Variants in TRMT11 observed in about 807,000 individuals in gnomAD.
The protein encoded by TRMT11 is tRNA (guanine(10)-N(2))-methyltransferase TRMT11.
TRMT11 carries 53 observed loss-of-function variants against 62.8 expected under a neutral mutation model. The observed-to-expected ratio is 0.84, with a 90% confidence interval of 0.68 to 1.06. The LOEUF (loss-of-function observed/expected upper bound fraction) is 1.06. Ranked by LOEUF, TRMT11 falls within the 50% of genes least tolerant of loss-of-function variation. TRMT11 has a pLI of 0.00. For synonymous variants in TRMT11, 188 were observed against 190.3 expected, an observed-to-expected ratio of 0.99 and a Z score of 0.10; for missense variants, 556 against 553.4, an observed-to-expected ratio of 1.00 and a Z score of -0.05.
chr6:126,187,675 G>C (rs995329578), intron 1 of TRMT11, among the ~76,000 whole-genome samples: 3 of 151,828 alleles, frequency 2.0e-5, no homozygotes, highest in African/African-American at 7.3e-5. Context: ...AGCAATCTTG[G>C]AAAAGAATAA....
chr6:126,126,180 A>C (rs1206477449), intron 21 of TRMT11, among the ~76,000 whole-genome samples: 1 of 152,150 alleles, frequency 6.6e-6, no homozygotes, highest in Non-Finnish European at 1.5e-5. Context: ...GTGCTATTTA[A>C]AAAAATTCCT....
intron 21 of TRMT11, among the ~76,000 whole-genome samples, chr6:126,121,406 A>G (rs117878080): frequency 2.2e-3 from 333 of 152,256 alleles, no homozygotes; most frequent in Non-Finnish European, 3.6e-3. Flanking sequence ...AAACAAAAAC[A>G]TAGAGCACAG....
the TRMT11 span, among the ~76,000 whole-genome samples, chr6:126,213,914 A>G: frequency 6.6e-6 from 1 of 151,942 alleles, no homozygotes; most frequent in Non-Finnish European, 1.5e-5. Flanking sequence ...GTGTTGACTT[A>G]TGTTCCTTCT....
chr6:126,128,940 T>G (rs891944434), intron 21 of TRMT11, among the ~76,000 whole-genome samples: 2 of 147,016 alleles, frequency 1.4e-5, no homozygotes, highest in African/African-American at 2.5e-5. Flanking sequence ...TTTGCACAGC[T>G]TTCAAGTGCA....
chr6:126,009,173 A>T (rs1360420961), intron 8 of TRMT11, among the ~76,000 whole-genome samples: 1 of 152,008 alleles, frequency 6.6e-6, no homozygotes, highest in Non-Finnish European at 1.5e-5. Flanking sequence ...CACCAAAATT[A>T]TTCACTAATC....
At chr6:126,237,338 G>C in the TRMT11 span, among the ~76,000 whole-genome samples, 1 of 152,030 alleles carries the variant, frequency 6.6e-6, no homozygotes, top group African/African-American at 2.4e-5. Flanking sequence ...CTCCTCTGCT[G>C]GAAAATCTTT....
intron 18 of TRMT11, among the ~76,000 whole-genome samples, chr6:126,114,484 T>C (rs1777566281): frequency 6.6e-6 from 1 of 151,946 alleles, no homozygotes; most frequent in African/African-American, 2.4e-5. Context: ...TGGCATTAGG[T>C]TTTTGCATGA....
the TRMT11 span, among the ~76,000 whole-genome samples, chr6:126,230,185 C>T: frequency 6.6e-6 from 1 of 152,144 alleles, no homozygotes; most frequent in Non-Finnish European, 1.5e-5. Flanking sequence ...TGCACAGGAG[C>T]ACCTAACCAC....
At chr6:126,247,378 C>G in the TRMT11 span, among the ~76,000 whole-genome samples, 4 of 151,566 alleles carry the variant, frequency 2.6e-5, no homozygotes, top group South Asian at 2.1e-4. Flanking sequence ...CACACAGTAC[C>G]AAGAAGAACG....
In TRMT11 at chr6:126,193,488, G is replaced by GTTTTTTTTT. The variant is rs1778627491; in HGVS notation, n.144-5310_144-5309insTTTTTTTTT. Among the ~76,000 whole-genome samples, 30 of 118,128 alleles carry GTTTTTTTTT rather than the reference G, an allele frequency of 2.5e-4. 2 individuals carry two copies. The highest frequency in any genetic ancestry group is 1.0e-3 in the African/African-American group (28 of 26,860). The allele number at this position is 118,128 out of a possible 152,430, so 77.5% of individuals were successfully genotyped here. On this transcript the variant is annotated intron_variant and non_coding_transcript_variant, in intron 1 of 3. Transcript: ENST00000444229. ...TAGGTTATTTAAGAGGAGCGTTTCTGTATTTTTTTTTTTTTTTTTTTTTTT... is the reference window on the plus strand; with the variant it reads ...TAGGTTATTTAAGAGGAGCGTTTCTGTTTTTTTTTTATTTTTTTTTTTTTTTTTTTTTTT...
At chr6:126,121,325 C>T (rs1049068193) in intron 21 of TRMT11, among the ~76,000 whole-genome samples, 1 of 152,058 alleles carries the variant, frequency 6.6e-6, no homozygotes, top group African/African-American at 2.4e-5. Context: ...TCTAAAAAAT[C>T]ACAAGTAAGA....
chr6:126,195,969 T>G (rs1778661473), intron 1 of TRMT11, among the ~76,000 whole-genome samples: 1 of 152,172 alleles, frequency 6.6e-6, no homozygotes, highest in African/African-American at 2.4e-5. Flanking sequence ...TGAGAGAAAA[T>G]TATTTGCACT....
At chr6:126,176,805 T>A (rs1778390720), upstream of TRMT11, among the ~76,000 whole-genome samples, 1 of 152,186 alleles carries the variant, frequency 6.6e-6, no homozygotes, top group Non-Finnish European at 1.5e-5. Context: ...AATTCTTCTT[T>A]TTAATTGTTT....
At chr6:125,993,863 A>G in intron 2 of TRMT11, 41 bp downstream of exon 2, 1 of 1,214,656 alleles carries the variant, frequency 8.2e-7, no homozygotes, top group Admixed American at 1.8e-5. Context: ...GTATACTTAG[A>G]AATAGAGCCT....
At chr6:126,075,623 T>C (rs1189633115) in intron 17 of TRMT11, among the ~76,000 whole-genome samples, 2 of 152,090 alleles carry the variant, frequency 1.3e-5, no homozygotes, top group Non-Finnish European at 2.9e-5. Flanking sequence ...CAATTAAACC[T>C]CTTTTCTTTA....
chr6:126,221,523 C>A, the TRMT11 span, among the ~76,000 whole-genome samples: 1 of 152,062 alleles, frequency 6.6e-6, no homozygotes, highest in African/African-American at 2.4e-5. Context: ...CATTGAGCAT[C>A]TTTTTGTATG....
chr6:126,132,987 C>T (rs1422455239), intron 21 of TRMT11, among the ~76,000 whole-genome samples: 6 of 151,900 alleles, frequency 3.9e-5, no homozygotes, highest in Non-Finnish European at 8.8e-5. Context: ...TGTTTTGGCT[C>T]ATTTACACTT....
chr6:126,105,952 G>A (rs536836578), intron 17 of TRMT11, among the ~76,000 whole-genome samples: 1 of 152,242 alleles, frequency 6.6e-6, no homozygotes, highest in East Asian at 1.9e-4. Flanking sequence ...AAAATCCAAA[G>A]TCGGGTTACT....
chr6:126,118,012 T>C lies in TRMT11; in HGVS notation c.*1823+2157T>C, dbSNP rs1777610031. Among the ~76,000 whole-genome samples, 3 of 152,120 alleles carry C rather than the reference T, an allele frequency of 2.0e-5. No individual in the cohort carries two copies. The South Asian group carries it at 6.2e-4, about 31-fold the overall frequency. On this transcript the variant is annotated intron_variant and NMD_transcript_variant, in intron 21 of 22. Coordinates refer to the TRMT11 transcript ENST00000648977. ...TGTTCAGGTTGACTTTCTGGAAAAG[T>C]GTTTTATTCTCAGAGGATTTGATTA...
Sources: allele counts gnomAD v4.1 joint callset (sites outside exome capture counted in the v4.1 genomes callset), GRCh38; gene constraint gnomAD v4.1.1; transcripts MANE v1.5; gene names NCBI Gene and HGNC (gene_info 2026-07-23, HGNC 2026-07-21).